The following PIK3R3 variants were observed in gnomAD, a reference collection of about 807,000 sequenced individuals.
PIK3R3 encodes phosphatidylinositol 3-kinase regulatory subunit gamma.
PIK3R3 carries 64 observed loss-of-function variants against 62.9 expected under a neutral mutation model. That is an observed-to-expected ratio of 1.02 (90% CI 0.83 to 1.25). PIK3R3 has a LOEUF of 1.25. PIK3R3 is among the 50% of genes most tolerant of loss of function. PIK3R3 has a pLI of 0.00. For missense variants in PIK3R3, 614 were observed against 561.6 expected (o/e 1.09, Z -0.94); for synonymous variants, 165 against 189.0 (o/e 0.87, Z 1.04).
At chr1:46,131,719 T>G (rs1296058250) in intron 1 of PIK3R3, 128 bp downstream of exon 1, 1 of 752,004 alleles carries the variant, frequency 1.3e-6, no homozygotes, top group Non-Finnish European at 2.2e-6. Context: ...ACCGCAGCTG[T>G]AACTGCAAAT....
At chr1:46,077,428 A>C (rs895272858) in intron 3 of PIK3R3, 87 bp downstream of exon 3, 2 of 582,742 alleles carry the variant, frequency 3.4e-6, no homozygotes, top group Non-Finnish European at 6.0e-6. Context: ...AATTGTATAG[A>C]TAAAGATTTA....
intron 1 of PIK3R3, among the ~76,000 whole-genome samples, chr1:46,101,213 G>A (rs2149441862): frequency 6.7e-6 from 1 of 149,550 alleles, no homozygotes; most frequent in African/African-American, 2.5e-5. Flanking sequence ...CATCCCAAGT[G>A]CGCTGGGCGT....
intron 1 of PIK3R3, among the ~76,000 whole-genome samples, chr1:46,083,983 T>A (rs1040387507): frequency 1.3e-5 from 2 of 152,210 alleles, no homozygotes; most frequent in African/African-American, 4.8e-5. Context: ...TCATAGTAGC[T>A]TTATTTATAA....
At chr1:46,156,458 CAA>C in the PIK3R3 span, among the ~76,000 whole-genome samples, 89 of 59,758 alleles carry the variant, frequency 1.5e-3, no homozygotes, top group African/African-American at 3.1e-3. Flanking sequence ...GACTCTGTCT[CAA>C]AAAAAAAAAA....
At position 46,083,587 on chromosome 1, in the gene PIK3R3, T is replaced by G. The variant is rs944297308; in HGVS notation, c.107-2837A>C. Among the ~76,000 whole-genome samples the G allele has an allele frequency of 1.2e-4, 19 of 152,258 alleles. 1 individual carries two copies. Among genetic ancestry groups the G allele is most frequent in the South Asian group, 6.2e-4 (3 of 4,822 alleles). On this transcript the variant is annotated intron_variant, in intron 1 of 9. Transcript: ENST00000262741. Reference sequence around the variant, plus strand: ...ACATAAAAGAATCCTTTCAATTCAATAAAAGACAAATGACCCAATTAAATA... The same window carrying G: ...ACATAAAAGAATCCTTTCAATTCAAGAAAAGACAAATGACCCAATTAAATA...
chr1:46,123,438 T>G (rs1654845785), intron 1 of PIK3R3, among the ~76,000 whole-genome samples: 1 of 152,218 alleles, frequency 6.6e-6, no homozygotes, highest in Admixed American at 6.5e-5. Flanking sequence ...GTTATAAATA[T>G]GTAAGTTAGG....
In PIK3R3 at chr1:46,045,920, C is replaced by A. The variant is rs61755421; in HGVS notation, c.1185G>T (p.Val395=). The change falls in exon 9 of 10, where the codon GTG becomes GTT. Residue 395 remains valine, a splice_region_variant and synonymous_variant. Coordinates refer to ENST00000262741, the MANE Select transcript of PIK3R3 (RefSeq NM_003629.4). The part of the protein sequence containing the change: ...SSKKGCYACS[V]VADGEVKHCV... The stretch of plus-strand genomic sequence containing the variant: ...TTATATCCCCAGAGAAGACTTACAC[C>A]ACAGAGCAAGCATAGCATCCTTTCT... 3 of 1,612,238 alleles carry A rather than the reference C, an allele frequency of 1.9e-6. No individual in the cohort carries two copies. In the African/African-American group the frequency reaches 4.0e-5, roughly 22 times the overall value.
chr1:46,108,898 G>A (rs957401128), intron 1 of PIK3R3, among the ~76,000 whole-genome samples: 1 of 152,142 alleles, frequency 6.6e-6, no homozygotes. Context: ...GGTGGCTCAC[G>A]CCTGTAATCC....
the PIK3R3 span, among the ~76,000 whole-genome samples, chr1:46,157,053 C>CAA: frequency 6.6e-6 from 1 of 152,176 alleles, no homozygotes; most frequent in Non-Finnish European, 1.5e-5. Context: ...TGTTCAAGGC[C>CAA]AAAGCCTCTC....
intron 7 of PIK3R3, among the ~76,000 whole-genome samples, chr1:46,053,358 A>G (rs763921755): frequency 2.0e-5 from 3 of 152,062 alleles, no homozygotes; most frequent in Non-Finnish European, 4.4e-5. Context: ...AGTTTATACA[A>G]CCCATTAAAG....
intron 1 of PIK3R3, among the ~76,000 whole-genome samples, chr1:46,114,622 T>C (rs763248960): frequency 8.5e-5 from 13 of 152,070 alleles, no homozygotes; most frequent in Non-Finnish European, 1.8e-4. Flanking sequence ...TTTTTGTTTT[T>C]TGAGATAGCA....
At position 46,045,644 on chromosome 1, in the gene PIK3R3, T is replaced by TTTTTTTCTTC. The variant is rs370501368; in HGVS notation, c.1187+273_1187+274insGAAGAAAAAA. Among the ~76,000 whole-genome samples, 6 of 82,596 alleles carry TTTTTTTCTTC rather than the reference T, an allele frequency of 7.3e-5. 1 individual carries two copies. The highest frequency in any genetic ancestry group is 2.3e-5 in the Non-Finnish European group (1 of 42,654). The allele number at this position is 82,596 out of a possible 152,430, so 54.2% of individuals were successfully genotyped here. Reference sequence around the variant, plus strand: ...TTTTTTTTTTTTTTTTTTTTTTTTTTCAATTTAAGATCTCACATTACCTTT... The same window carrying TTTTTTTCTTC: ...TTTTTTTTTTTTTTTTTTTTTTTTTTTTTTTTCTTCCAATTTAAGATCTCACATTACCTTT... On this transcript the variant is annotated intron_variant, in intron 9 of 9. Coordinates refer to ENST00000262741, the MANE Select transcript of PIK3R3 (RefSeq NM_003629.4).
Position 46,066,193 on chromosome 1 carries a change from G to GA in PIK3R3, c.496-15dup. On this transcript the variant is annotated splice_polypyrimidine_tract_variant and intron_variant, in intron 4 of 9. Coordinates refer to ENST00000262741, the MANE Select transcript of PIK3R3 (RefSeq NM_003629.4). ...TACCAACTGATCCTATACAGGTAAA[G>GA]AAAAAAATAAAGAATGTTAACAATT... 4.6e-6 allele frequency: 7 copies of GA among 1,514,958 alleles called. No individual in the cohort carries two copies. In the Admixed American group the frequency reaches 5.8e-5, roughly 12 times the overall value. The allele number at this position is 1,514,958 out of a possible 1,614,324, so 93.8% of individuals were successfully genotyped here. A position where few individuals can be genotyped will look rare whatever the true frequency, so the allele number is the denominator to read the frequency against.
chr1:46,106,712 T>C (rs1653240095), intron 1 of PIK3R3, among the ~76,000 whole-genome samples: 1 of 152,196 alleles, frequency 6.6e-6, no homozygotes. Flanking sequence ...CAATCTTAAA[T>C]GATACCCCAG....
At chr1:46,130,859 C>G (rs1160908427) in intron 1 of PIK3R3, among the ~76,000 whole-genome samples, 1 of 152,124 alleles carries the variant, frequency 6.6e-6, no homozygotes. Flanking sequence ...TAACTGCAAA[C>G]AGGGTTTGAG....
chr1:46,166,831 C>T, the PIK3R3 span, among the ~76,000 whole-genome samples: 2 of 152,236 alleles, frequency 1.3e-5, no homozygotes, highest in African/African-American at 4.8e-5. Flanking sequence ...ACATCCTCCA[C>T]CCCACGCCCC....
At chr1:46,172,125 G>A in the PIK3R3 span, among the ~76,000 whole-genome samples, 1 of 152,118 alleles carries the variant, frequency 6.6e-6, no homozygotes, top group South Asian at 2.1e-4. Flanking sequence ...TCGGTGGCTT[G>A]GCCTGGCCTG....
At chr1:46,071,728 T>TAGAGAG (rs1311797181) in intron 3 of PIK3R3, among the ~76,000 whole-genome samples, 1 of 48,952 alleles carries the variant, frequency 2.0e-5, no homozygotes, top group African/African-American at 1.1e-4. Context: ...TATATATATA[T>TAGAGAG]ATAGAGAGAG....
At chr1:46,159,680 A>T in the PIK3R3 span, among the ~76,000 whole-genome samples, 1 of 151,864 alleles carries the variant, frequency 6.6e-6, no homozygotes, top group Non-Finnish European at 1.5e-5. Flanking sequence ...ATCACCACAC[A>T]TGCCACATGT....
Sources: allele counts gnomAD v4.1 joint callset (sites outside exome capture counted in the v4.1 genomes callset), GRCh38; gene constraint gnomAD v4.1.1; transcripts MANE v1.5; gene names NCBI Gene and HGNC (gene_info 2026-07-23, HGNC 2026-07-21).